KALRN: variants seen among roughly 807,000 people sequenced by gnomAD.
The protein encoded by KALRN is kalirin.
Under a neutral mutation model 353.7 loss-of-function variants are expected in KALRN, and 70 were observed. The observed-to-expected ratio is 0.20, with a 90% CI of 0.16 to 0.24. The LOEUF is 0.24. Among genes scored for constraint, KALRN ranks in the 10% least tolerant of loss-of-function variants. The pLI, the probability that KALRN is intolerant of heterozygous loss-of-function variation, is 1.00. For missense variants in KALRN, 2,791 were observed against 3,756.7 expected, an observed-to-expected ratio of 0.74 and a Z score of 6.72; for synonymous variants, 1,391 against 1,434.8, an observed-to-expected ratio of 0.97 and a Z score of 0.69.
At chr3:124,487,184 C>A (rs928169861) in intron 28 of KALRN, among the ~76,000 whole-genome samples, 3 of 152,124 alleles carry the variant, frequency 2.0e-5, no homozygotes, top group South Asian at 2.1e-4. Flanking sequence ...GATACAGTGA[C>A]CCTGATAGGA....
chr3:124,371,995 G>A (rs1030154616), intron 10 of KALRN, among the ~76,000 whole-genome samples: 2 of 152,000 alleles, frequency 1.3e-5, no homozygotes, highest in African/African-American at 4.8e-5. Context: ...ATGTCCCTGA[G>A]TTCTATTGAT....
At chr3:124,386,498 T>C (rs116098997) in intron 11 of KALRN, among the ~76,000 whole-genome samples, 1,890 of 152,172 alleles carry the variant, frequency 0.012, 33 homozygotes, top group African/African-American at 0.042. Flanking sequence ...TTCCTCTAGC[T>C]ACATCTCCCA....
In KALRN at chr3:124,382,990, C is replaced by T. The variant is rs1477121334; in HGVS notation, c.1771-1855C>T. On this transcript the variant is annotated intron_variant, in intron 10 of 59. Transcript: ENST00000682506. Reference sequence around the variant, plus strand: ...GCAAAACTACTTTCCTCATATGAAGCTGCTGTTTTTCCATGAATTTCCCAG... The same window carrying T: ...GCAAAACTACTTTCCTCATATGAAGTTGCTGTTTTTCCATGAATTTCCCAG... 2.6e-5 allele frequency among the ~76,000 whole-genome samples: 4 copies of T among 152,218 alleles called. No homozygotes were observed. In the East Asian group the frequency reaches 7.7e-4, roughly 29 times the overall value.
At chr3:124,212,548 G>T (rs2076990269) in intron 1 of KALRN, among the ~76,000 whole-genome samples, 1 of 151,972 alleles carries the variant, frequency 6.6e-6, no homozygotes, top group African/African-American at 2.4e-5. Flanking sequence ...TTTGCAATTT[G>T]GGGCCACATT....
chr3:124,667,030 G>C lies in KALRN; in HGVS notation c.6550G>C (p.Glu2184Gln). ...RSIKMNYLVL[E>Q]ENVDNDPCKF... Reference sequence around the variant, plus strand: ...CTTCCAGATGAATTACTTGGTCCTGGAGGAGAATGTGGACAATGATCCCTG... The same window carrying C: ...CTTCCAGATGAATTACTTGGTCCTGCAGGAGAATGTGGACAATGATCCCTG... Residue 2184 changes from glutamate (E) to glutamine (Q), a missense_variant, in exon 47 of 60, where the codon GAG (glutamate) becomes CAG (glutamine). By Grantham distance (29) the Glu-to-Gln change is conservative. Transcript: ENST00000682506. 1 of 1,609,852 alleles carries C rather than the reference G, an allele frequency of 6.2e-7. No homozygotes were observed. The highest frequency in any genetic ancestry group is 8.5e-7 in the Non-Finnish European group (1 of 1,176,860).
intron 14 of KALRN, among the ~76,000 whole-genome samples, chr3:124,422,180 G>A (rs1456313731): frequency 3.3e-5 from 5 of 152,124 alleles, no homozygotes; most frequent in Non-Finnish European, 7.4e-5. Context: ...GTTTGCCTGA[G>A]TTTTATAAAT....
chr3:124,048,883 G>A lies in KALRN; in HGVS notation c.73+15070G>A, dbSNP rs573988675. On this transcript the variant is annotated intron_variant, in intron 1 of 59. Coordinates refer to ENST00000682506, the MANE Select transcript of KALRN (RefSeq NM_001388419.1). ...TAGACATTTATAACCCAGATTTTCT[G>A]TGGACGGGTGTTTGTTCTGGGACAT... is the stretch of plus-strand genomic sequence containing the variant. 3.3e-5 allele frequency among the ~76,000 whole-genome samples: 5 copies of A among 152,326 alleles called. No homozygotes were observed. The South Asian group carries it at 8.3e-4, about 25-fold the overall frequency.
chr3:124,422,773 C>T (rs1318895761), intron 14 of KALRN, 39 bp from the exon 15 acceptor site: 1 of 1,568,300 alleles, frequency 6.4e-7, no homozygotes. Flanking sequence ...CTTCACAGTA[C>T]TAGCTGGTTT....
chr3:124,583,795 A>G (rs2074848427), intron 34 of KALRN, among the ~76,000 whole-genome samples: 3 of 152,186 alleles, frequency 2.0e-5, no homozygotes, highest in African/African-American at 7.2e-5. Context: ...ACTTGTAGCA[A>G]TGCAAATTCT....
At chr3:124,397,703 A>G (rs1356913316) in intron 12 of KALRN, among the ~76,000 whole-genome samples, 1 of 152,158 alleles carries the variant, frequency 6.6e-6, no homozygotes, top group East Asian at 1.9e-4. Context: ...GCTTCCCTCT[A>G]TAAGGCATCA....
intron 23 of KALRN, among the ~76,000 whole-genome samples, chr3:124,460,818 G>A (rs60107102): frequency 0.31 from 46,428 of 152,142 alleles, 7,773 homozygotes; most frequent in East Asian, 0.6. Context: ...ACGAGGCCAT[G>A]TATCGTAAGT....
At position 124,658,050 on chromosome 3, in the gene KALRN, G is replaced by A. The variant is rs370221046; in HGVS notation, c.6036+247G>A. Among the ~76,000 whole-genome samples, 29 of 152,268 alleles carry A rather than the reference G, an allele frequency of 1.9e-4. No individual in the cohort carries two copies. The East Asian group carries it at 5.6e-3, about 29-fold the overall frequency. On this transcript the variant is annotated intron_variant, in intron 41 of 59. Transcript: ENST00000682506. ...ATGCCTATAGTCCTAGCCACTTGGG[G>A]GGGCGGAGGCAGGAGGATCGCTTGA...
chr3:124,314,736 A>G (rs1387268150), intron 6 of KALRN, among the ~76,000 whole-genome samples: 1 of 152,178 alleles, frequency 6.6e-6, no homozygotes, highest in Non-Finnish European at 1.5e-5. Context: ...GGCTCACTGC[A>G]GCCTCAACCT....
chr3:124,291,214 A>G (rs2076391872), intron 5 of KALRN, among the ~76,000 whole-genome samples: 1 of 152,180 alleles, frequency 6.6e-6, no homozygotes, highest in African/African-American at 2.4e-5. Flanking sequence ...GGGAACCAGT[A>G]TGTTTGGTAA....
chr3:124,696,875 T>C (rs1020196812), intron 54 of KALRN, among the ~76,000 whole-genome samples: 6 of 152,224 alleles, frequency 3.9e-5, no homozygotes, highest in Non-Finnish European at 8.8e-5. Context: ...CCAGTGCTTC[T>C]TGGCCACCAC....
At chr3:124,597,685 T>G (rs1442879943) in intron 34 of KALRN, among the ~76,000 whole-genome samples, 1 of 152,216 alleles carries the variant, frequency 6.6e-6, no homozygotes, top group Non-Finnish European at 1.5e-5. Flanking sequence ...CAGTCCAAAT[T>G]GAGATATGCT....
chr3:124,130,870 C>T (rs1250163385), intron 1 of KALRN, among the ~76,000 whole-genome samples: 1 of 152,142 alleles, frequency 6.6e-6, no homozygotes, highest in African/African-American at 2.4e-5. Context: ...GGAAGCCAGA[C>T]ATAAGAGAAT....
chr3:124,098,032 G>A (rs2149405430), intron 1 of KALRN, among the ~76,000 whole-genome samples: 1 of 152,290 alleles, frequency 6.6e-6, no homozygotes, highest in South Asian at 2.1e-4. Flanking sequence ...ATTGCTTTTT[G>A]TTGTTGAGTT....
chr3:124,386,567 C>G (rs561942170), intron 11 of KALRN, among the ~76,000 whole-genome samples: 6 of 152,238 alleles, frequency 3.9e-5, no homozygotes, highest in African/African-American at 1.4e-4. Context: ...TGCTAAAGAA[C>G]CATATGAGCT....
Sources: allele counts gnomAD v4.1 joint callset (sites outside exome capture counted in the v4.1 genomes callset), GRCh38; gene constraint gnomAD v4.1.1; transcripts MANE v1.5; gene names NCBI Gene and HGNC (gene_info 2026-07-23, HGNC 2026-07-21).